The following GDNF variants were observed in gnomAD, a reference collection of about 807,000 sequenced individuals.
The protein encoded by GDNF is glial cell line-derived neurotrophic factor.
In GDNF, 5 loss-of-function variants were observed where a neutral mutation model predicts 13.7. The observed-to-expected ratio is 0.36, with a 90% CI of 0.19 to 0.77. The LOEUF is 0.77. Ranked by LOEUF, GDNF falls within the 30% of genes least tolerant of loss-of-function variation. The pLI, the probability that GDNF is intolerant of heterozygous loss-of-function variation, is 0.51. For missense variants in GDNF, 246 were observed against 274.3 expected (o/e 0.90, Z 0.73); for synonymous variants, 122 against 112.5 (o/e 1.08, Z -0.53).
chr5:37,834,975 T>A (rs1382464145), intron 1 of GDNF, 153 bp from the exon 2 acceptor site: 1 of 661,630 alleles, frequency 1.5e-6, no homozygotes, highest in African/African-American at 1.9e-5. Context: ...CTGCCCTCCT[T>A]GCAAGTCCCC....
At chr5:37,831,556 C>A (rs968171638) in intron 2 of GDNF, among the ~76,000 whole-genome samples, 13 of 152,108 alleles carry the variant, frequency 8.5e-5, no homozygotes, top group Non-Finnish European at 1.9e-4. Flanking sequence ...AGTTCAAGAC[C>A]TTCCTCCCAT....
intron 1 of GDNF, among the ~76,000 whole-genome samples, chr5:37,836,111 C>A (rs1163090721): frequency 1.3e-5 from 2 of 152,162 alleles, no homozygotes; most frequent in Non-Finnish European, 2.9e-5. Flanking sequence ...TAGAGAGAAT[C>A]TCCTCAAGCG....
Position 37,815,701 on chromosome 5 carries a change from C to A in GDNF, c.586G>T (p.Val196Phe), listed in dbSNP as rs758367435. Residue 196 changes from valine to phenylalanine, a missense_variant, in exon 3 of 3, where the codon GTT becomes TTT. Coordinates refer to ENST00000326524, the MANE Select transcript of GDNF (RefSeq NM_000514.4). The surrounding 1 kb of genome is among the most constrained non-coding windows in gnomAD (Gnocchi z 5.0). ...GAATGCTTTCTTAGAATATGGTAAACCAGGTTATCATCTAAAAACGACAGG... is the reference window on the plus strand; with the variant it reads ...GAATGCTTTCTTAGAATATGGTAAAACAGGTTATCATCTAAAAACGACAGG... ...DDLSFLDDNL[V>F]YHILRKHSAK... The A allele has an allele frequency of 1.9e-5, 31 of 1,613,652 alleles. No individual in the cohort carries two copies.
intron 2 of GDNF, 121 bp from the exon 3 acceptor site, chr5:37,816,256 G>T: frequency 1.1e-6 from 1 of 927,894 alleles, no homozygotes; most frequent in Non-Finnish European, 1.7e-6. Context: ...ACTATCAGCC[G>T]ATTAAGCTAT....
At chr5:37,822,574 T>A (rs910475051) in intron 2 of GDNF, among the ~76,000 whole-genome samples, 1 of 152,152 alleles carries the variant, frequency 6.6e-6, no homozygotes, top group African/African-American at 2.4e-5. Flanking sequence ...TAGCGGTTCC[T>A]ATGAAAGGCT....
Position 37,816,015 on chromosome 5 carries a change from C to A in GDNF, c.272G>T (p.Arg91Leu). ...GTTGGCAGCTGCAGCCTGCCGATTC[C>A]GCTCTCTTCTAGGAAGCACTGCCAT... ...KQMAVLPRRE[R>L]NRQAAAANPE... Residue 91 changes from arginine (R) to leucine (L), a missense_variant, in exon 3 of 3, where the codon CGG becomes CTG. Coordinates refer to ENST00000326524, the MANE Select transcript of GDNF (RefSeq NM_000514.4). The A allele has an allele frequency of 6.2e-7, 1 of 1,613,868 alleles. No homozygotes were observed. Among genetic ancestry groups the A allele is most frequent in the African/African-American group, 1.3e-5 (1 of 75,038 alleles).
intron 2 of GDNF, among the ~76,000 whole-genome samples, chr5:37,829,584 A>G (rs1195414470): frequency 1.3e-5 from 2 of 152,226 alleles, no homozygotes; most frequent in African/African-American, 4.8e-5. Context: ...TTCCTGATTA[A>G]GCTTAAGTAA....
Position 37,814,637 on chromosome 5 carries a change from T to G in GDNF, c.*1014A>C, listed in dbSNP as rs1265090935. The G allele has an allele frequency of 6.6e-6, 1 of 151,960 alleles. No homozygotes were observed. The highest frequency in any genetic ancestry group is 2.4e-5 in the African/African-American group (1 of 41,416). The allele number at this position is 151,960 out of a possible 1,614,324, so 9.4% of individuals were successfully genotyped here. On this transcript the variant is annotated 3_prime_UTR_variant, in exon 3 of 3. Transcript: ENST00000326524. ...ACCTTTGAAAAGAAACTTTAATAAA[T>G]AAGGGAAAAAAGAGAAATTCATTAG... is the stretch of plus-strand genomic sequence containing the variant.
chr5:37,820,773 T>C (rs950841172), intron 2 of GDNF, among the ~76,000 whole-genome samples: 12 of 152,304 alleles, frequency 7.9e-5, no homozygotes, highest in African/African-American at 2.6e-4. Context: ...TTATTATTAT[T>C]TTTTAAAGTC....
chr5:37,834,616 G>A (rs973908338), intron 2 of GDNF, 30 bp downstream of exon 2: 13 of 1,421,014 alleles, frequency 9.1e-6, no homozygotes, highest in Non-Finnish European at 1.2e-5. Context: ...TCCGCCGGCG[G>A]CCCCCCCGCG....
Position 37,837,063 on chromosome 5 carries a change from C to T in GDNF, c.-26-2241G>A, listed in dbSNP as rs576860633. Among the ~76,000 whole-genome samples, 7 of 152,174 alleles carry T rather than the reference C, an allele frequency of 4.6e-5. No homozygotes were observed. Among genetic ancestry groups the T allele is most frequent in the African/African-American group, 1.7e-4 (7 of 41,446 alleles). On this transcript the variant is annotated intron_variant, in intron 1 of 2. Transcript: ENST00000326524. This position sits in a 1 kb window ranked among gnomAD's most constrained non-coding sequence, Gnocchi z 6.5. ...CCTCTGAGCGCCGCCGGGACCGGCT[C>T]CAGTCCGAGGGGCTCTTTCGTTCTC...
chr5:37,825,754 A>C (rs1376229934), intron 2 of GDNF, among the ~76,000 whole-genome samples: 1 of 152,144 alleles, frequency 6.6e-6, no homozygotes, highest in Non-Finnish European at 1.5e-5. Context: ...AGCTCTTCCC[A>C]GGGGACCCAC....
At chr5:37,829,552 A>G (rs1581586992) in intron 2 of GDNF, among the ~76,000 whole-genome samples, 1 of 152,244 alleles carries the variant, frequency 6.6e-6, no homozygotes, top group East Asian at 1.9e-4. Flanking sequence ...CACCCAGTAC[A>G]TGAAAGATAT....
In GDNF at chr5:37,837,640, G is replaced by A. The variant is rs75262128; in HGVS notation, c.-27+1867C>T. On this transcript the variant is annotated intron_variant, in intron 1 of 2. Coordinates refer to ENST00000326524, the MANE Select transcript of GDNF (RefSeq NM_000514.4). This position sits in a 1 kb window ranked among gnomAD's most constrained non-coding sequence, Gnocchi z 6.5. ...GTGTTATCATTTTAGTTATAAAACC[G>A]GAGAACCACCACTCCCTCTACGAGC... Among the ~76,000 whole-genome samples, 5,404 of 152,304 alleles carry A rather than the reference G, an allele frequency of 0.035. 114 individuals are homozygous for A. The highest frequency in any genetic ancestry group is 0.052 in the Non-Finnish European group (3,524 of 68,022).
intron 2 of GDNF, among the ~76,000 whole-genome samples, chr5:37,819,156 C>A (rs1750034706): frequency 6.6e-6 from 1 of 152,240 alleles, no homozygotes; most frequent in East Asian, 1.9e-4. Flanking sequence ...AAAGAGAGTT[C>A]TTAATTTTTC....
At position 37,814,466 on chromosome 5, in the gene GDNF, A is replaced by C. The variant is rs1303357758; in HGVS notation, c.*1185T>G. 2.0e-5 allele frequency: 3 copies of C among 152,232 alleles called. No individual in the cohort carries two copies. The highest frequency in any genetic ancestry group is 1.3e-4 in the Admixed American group (2 of 15,286). 9.4% of individuals were successfully genotyped at this position (152,232 alleles called of 1,614,324 possible). ...AAATGCTGAAATCTGGGGAAAATTAATGACAAATTTTCTTAAAAAGGTAAA... is the reference window on the plus strand; with the variant it reads ...AAATGCTGAAATCTGGGGAAAATTACTGACAAATTTTCTTAAAAAGGTAAA... On this transcript the variant is annotated 3_prime_UTR_variant, in exon 3 of 3. Coordinates refer to ENST00000326524, the MANE Select transcript of GDNF (RefSeq NM_000514.4).
chr5:37,817,373 T>A (rs1003680737), intron 2 of GDNF, among the ~76,000 whole-genome samples: 3 of 152,178 alleles, frequency 2.0e-5, no homozygotes, highest in Non-Finnish European at 4.4e-5. Context: ...TTTCAGGTCA[T>A]TTAGTATGTT....
chr5:37,817,109 A>C (rs1461976532), intron 2 of GDNF, among the ~76,000 whole-genome samples: 1 of 152,216 alleles, frequency 6.6e-6, no homozygotes, highest in Non-Finnish European at 1.5e-5. Context: ...GGCTGCAAGC[A>C]GGACAAGAGG....
intron 2 of GDNF, among the ~76,000 whole-genome samples, chr5:37,824,727 C>G (rs1338746623): frequency 2.0e-5 from 3 of 152,212 alleles, no homozygotes; most frequent in African/African-American, 7.2e-5. Flanking sequence ...CAGAATTCAT[C>G]TAGTGTTTGG....
Sources: allele counts gnomAD v4.1 joint callset (sites outside exome capture counted in the v4.1 genomes callset), GRCh38; gene constraint gnomAD v4.1.1; non-coding constraint Gnocchi (gnomAD v3.1); transcripts MANE v1.5; gene names NCBI Gene and HGNC (gene_info 2026-07-23, HGNC 2026-07-21).